Variants in SMARCC1 observed in about 807,000 individuals in gnomAD.
SMARCC1 encodes the protein SWI/SNF complex subunit SMARCC1.
Under a neutral mutation model 147.4 loss-of-function variants are expected in SMARCC1, and 43 were observed. The observed-to-expected ratio is 0.29, with a 90% confidence interval of 0.23 to 0.38. The LOEUF is 0.38. Among genes scored for constraint, SMARCC1 ranks in the 10% least tolerant of loss-of-function variants. The pLI is 1.00. For synonymous variants in SMARCC1, 495 were observed against 484.4 expected (o/e 1.02, Z -0.29); for missense variants, 1,119 against 1,381.1 (o/e 0.81, Z 3.01).
At chr3:47,764,252 T>G (rs1460278953) in intron 2 of SMARCC1, among the ~76,000 whole-genome samples, 1 of 152,012 alleles carries the variant, frequency 6.6e-6, no homozygotes. Context: ...CTCAAGCTGG[T>G]CTCAAACTCC....
intron 8 of SMARCC1, among the ~76,000 whole-genome samples, chr3:47,711,110 T>A (rs1411667211): frequency 3.9e-5 from 6 of 152,178 alleles, no homozygotes; most frequent in Non-Finnish European, 5.9e-5. Context: ...GATAAAAACA[T>A]TCAACAGCAC....
intron 3 of SMARCC1, among the ~76,000 whole-genome samples, chr3:47,743,172 G>A (rs879934526): frequency 6.6e-6 from 1 of 152,132 alleles, no homozygotes; most frequent in Non-Finnish European, 1.5e-5. Context: ...TTAGGCATGG[G>A]GCAAGAATGA....
chr3:47,731,860 T>A (rs958231618), intron 5 of SMARCC1, among the ~76,000 whole-genome samples: 1 of 152,214 alleles, frequency 6.6e-6, no homozygotes, highest in Non-Finnish European at 1.5e-5. Flanking sequence ...AGATGTACAA[T>A]AATCTGTAGG....
At chr3:47,753,325 CAAAAAA>C (rs35435595) in intron 2 of SMARCC1, among the ~76,000 whole-genome samples, 1 of 92,886 alleles carries the variant, frequency 1.1e-5, no homozygotes, top group Non-Finnish European at 2.1e-5. Flanking sequence ...ACTCCATCTC[CAAAAAA>C]AAAAAAAAAA....
chr3:47,701,951 C>T (rs1370933877), intron 10 of SMARCC1, among the ~76,000 whole-genome samples: 1 of 151,970 alleles, frequency 6.6e-6, no homozygotes, highest in Non-Finnish European at 1.5e-5. Flanking sequence ...TCCTACTAGA[C>T]AATTGCGGGC....
intron 24 of SMARCC1, among the ~76,000 whole-genome samples, chr3:47,634,491 A>G (rs562963493): frequency 2.4e-4 from 36 of 152,356 alleles, no homozygotes; most frequent in Middle Eastern, 6.8e-3. Context: ...ATGATTAGCA[A>G]TGTTCTAGTA....
At chr3:47,687,439 T>C (rs1402061954) in intron 13 of SMARCC1, among the ~76,000 whole-genome samples, 1 of 152,178 alleles carries the variant, frequency 6.6e-6, no homozygotes, top group Non-Finnish European at 1.5e-5. Context: ...GTATAAGTTT[T>C]AATGACTTCA....
chr3:47,610,578 G>A (rs146563712), intron 25 of SMARCC1: 34 of 517,734 alleles, frequency 6.6e-5, no homozygotes, highest in African/African-American at 4.0e-4. Context: ...CAATCTTCCC[G>A]CAGTAGGGCT....
chr3:47,621,298 CAAAAAAAAAA>C (rs1183934374), intron 25 of SMARCC1, among the ~76,000 whole-genome samples: 2 of 63,194 alleles, frequency 3.2e-5, no homozygotes, highest in African/African-American at 5.1e-5. Context: ...GACTCCGTCT[CAAAAAAAAAA>C]AAAAAAAAAA....
chr3:47,745,904 T>C lies in SMARCC1; in HGVS notation c.401+4A>G, dbSNP rs970484326. On this transcript the variant is annotated splice_donor_region_variant and intron_variant, in intron 3 of 27. Transcript: ENST00000254480. ...AAAACATGCAAACAAATACAAAAACTTACCATCCCTGTTCATTTTTATACT... is the reference window on the plus strand; with the variant it reads ...AAAACATGCAAACAAATACAAAAACCTACCATCCCTGTTCATTTTTATACT... The C allele has an allele frequency of 1.3e-6, 2 of 1,525,470 alleles. No individual in the cohort carries two copies. The highest frequency in any genetic ancestry group is 1.8e-6 in the Non-Finnish European group (2 of 1,135,860). 94.5% of individuals were successfully genotyped at this position (1,525,470 alleles called of 1,614,324 possible).
chr3:47,640,861 A>G (rs540937190), intron 21 of SMARCC1, among the ~76,000 whole-genome samples: 1 of 152,318 alleles, frequency 6.6e-6, no homozygotes, highest in Admixed American at 6.5e-5. Context: ...AAAAGAATAG[A>G]GCAATATGTT....
intron 2 of SMARCC1, among the ~76,000 whole-genome samples, chr3:47,748,789 G>A (rs1449418573): frequency 2.0e-5 from 3 of 152,120 alleles, no homozygotes; most frequent in Admixed American, 1.3e-4. Flanking sequence ...ATACTGGAAA[G>A]AACCACATAG....
At chr3:47,761,796 T>C (rs536559591) in intron 2 of SMARCC1, among the ~76,000 whole-genome samples, 43 of 152,324 alleles carry the variant, frequency 2.8e-4, no homozygotes, top group African/African-American at 1.0e-3. Context: ...CCAAATTCAA[T>C]AGTTTTCTCC....
At chr3:47,634,429 A>G (rs190807217) in intron 24 of SMARCC1, among the ~76,000 whole-genome samples, 3 of 152,338 alleles carry the variant, frequency 2.0e-5, no homozygotes, top group African/African-American at 7.2e-5. Flanking sequence ...TGGGGAATTA[A>G]AGATCATGAA....
intron 1 of SMARCC1, among the ~76,000 whole-genome samples, chr3:47,776,876 G>A (rs1576439577): frequency 6.6e-6 from 1 of 152,040 alleles, no homozygotes; most frequent in East Asian, 1.9e-4. Flanking sequence ...CCGGGTTCAA[G>A]CAATTCTCCT....
At chr3:47,589,543 T>G (rs960768254) in intron 27 of SMARCC1, among the ~76,000 whole-genome samples, 1 of 152,234 alleles carries the variant, frequency 6.6e-6, no homozygotes, top group Non-Finnish European at 1.5e-5. Context: ...AGGTACCTAC[T>G]GTACTACACA....
At chr3:47,613,145 G>C (rs553268253) in intron 25 of SMARCC1, among the ~76,000 whole-genome samples, 13 of 152,220 alleles carry the variant, frequency 8.5e-5, no homozygotes, top group African/African-American at 3.1e-4. Flanking sequence ...ATCTGTCCTA[G>C]AATACTGTAT....
At position 47,590,641 on chromosome 3, in the gene SMARCC1, C is replaced by G. The variant is rs529357156; in HGVS notation, c.3220+20G>C. ...CAGAACGGACCCTGAGATAATGCAT[C>G]CCCCCTCCATGTTACTTACACATGC... On this transcript the variant is annotated intron_variant, in intron 27 of 27. Coordinates refer to ENST00000254480, the MANE Select transcript of SMARCC1 (RefSeq NM_003074.4). 6 of 1,490,362 alleles carry G rather than the reference C, an allele frequency of 4.0e-6. No homozygotes were observed. The highest frequency in any genetic ancestry group is 1.4e-5 in the African/African-American group (1 of 69,486). 92.3% of individuals were successfully genotyped at this position (1,490,362 alleles called of 1,614,324 possible). A position where few individuals can be genotyped will look rare whatever the true frequency, so the allele number is the denominator to read the frequency against.
At chr3:47,663,619 C>T (rs759302019) in intron 19 of SMARCC1, 20 of 1,501,344 alleles carry the variant, frequency 1.3e-5, no homozygotes, top group East Asian at 1.1e-4. Context: ...CCAGACATGG[C>T]GACTCCGGCC....
Sources: gnomAD v4.1 joint callset for allele counts (sites outside exome capture counted in the v4.1 genomes callset) on GRCh38, gnomAD v4.1.1 for gene constraint, MANE v1.5 for transcripts, NCBI Gene and HGNC (gene_info 2026-07-23, HGNC 2026-07-21) for gene names.